Variants in GPC5 observed in about 807,000 individuals in gnomAD.
GPC5 encodes glypican-5.
Under a neutral mutation model 53.9 loss-of-function variants are expected in GPC5, and 47 were observed. That is an observed-to-expected ratio of 0.87 (90% confidence interval 0.69 to 1.11). The LOEUF is 1.11. GPC5 is among the 50% of genes most tolerant of loss of function. The probability of loss-of-function intolerance (pLI) is 0.00; values close to 1 mark genes in which losing one functional copy is unlikely to be tolerated. For synonymous variants in GPC5, 286 were observed against 263.3 expected (o/e 1.09, Z -0.84); for missense variants, 748 against 713.1 (o/e 1.05, Z -0.56).
chr13:92,139,064 A>G (rs1594778513), intron 6 of GPC5, among the ~76,000 whole-genome samples: 2 of 152,326 alleles, frequency 1.3e-5, no homozygotes, highest in East Asian at 3.9e-4. Flanking sequence ...GGCAACACAA[A>G]TATATGTTGG....
chr13:92,621,676 T>C (rs1884874116), intron 7 of GPC5, among the ~76,000 whole-genome samples: 1 of 151,906 alleles, frequency 6.6e-6, no homozygotes, highest in African/African-American at 2.4e-5. Flanking sequence ...CCAAATTAGT[T>C]GGGTGTGGTG....
chr13:92,663,809 A>G (rs1886448924), intron 7 of GPC5, among the ~76,000 whole-genome samples: 1 of 133,576 alleles, frequency 7.5e-6, no homozygotes, highest in Admixed American at 7.7e-5. Flanking sequence ...CTATATATAT[A>G]CACACTATAT....
At chr13:92,129,523 A>G (rs2041726650) in intron 6 of GPC5, among the ~76,000 whole-genome samples, 1 of 152,268 alleles carries the variant, frequency 6.6e-6, no homozygotes. Flanking sequence ...CATGTGCACA[A>G]TAAGCACAGC....
At chr13:92,146,500 G>A (rs867488250) in intron 7 of GPC5, among the ~76,000 whole-genome samples, 4 of 151,898 alleles carry the variant, frequency 2.6e-5, no homozygotes, top group South Asian at 2.1e-4. Flanking sequence ...AATGATAAAG[G>A]TTTTATTTTA....
chr13:92,671,396 A>G (rs1361810160), intron 7 of GPC5, among the ~76,000 whole-genome samples: 3 of 152,200 alleles, frequency 2.0e-5, no homozygotes, highest in Non-Finnish European at 1.5e-5. Context: ...TGCGCTTTCA[A>G]TTACAATGAA....
intron 7 of GPC5, among the ~76,000 whole-genome samples, chr13:92,538,536 A>C (rs909425145): frequency 6.8e-6 from 1 of 146,780 alleles, no homozygotes; most frequent in African/African-American, 2.5e-5. Context: ...ATAGGTATAC[A>C]TGTGCCATGG....
chr13:91,563,984 G>A (rs1254509438), intron 2 of GPC5, among the ~76,000 whole-genome samples: 1 of 151,958 alleles, frequency 6.6e-6, no homozygotes, highest in African/African-American at 2.4e-5. Context: ...GTTTCGCCTT[G>A]GTGTCCCACT....
At chr13:92,469,431 A>G (rs1331254654) in intron 7 of GPC5, among the ~76,000 whole-genome samples, 1 of 152,140 alleles carries the variant, frequency 6.6e-6, no homozygotes, top group Non-Finnish European at 1.5e-5. Flanking sequence ...ACTAGTTCAA[A>G]CATTTATTTC....
intron 2 of GPC5, among the ~76,000 whole-genome samples, chr13:91,516,604 G>A (rs1410573088): frequency 6.6e-6 from 1 of 152,126 alleles, no homozygotes; most frequent in East Asian, 1.9e-4. Context: ...AGCTTTTGCT[G>A]GATCTACCAT....
chr13:91,828,097 G>T (rs1566289226), intron 5 of GPC5, among the ~76,000 whole-genome samples: 1 of 152,036 alleles, frequency 6.6e-6, no homozygotes, highest in Non-Finnish European at 1.5e-5. Flanking sequence ...TCATTTACAT[G>T]AAGTACTTAA....
chr13:92,712,811 G>C (rs996436262), intron 7 of GPC5, among the ~76,000 whole-genome samples: 4 of 152,240 alleles, frequency 2.6e-5, no homozygotes, highest in Non-Finnish European at 4.4e-5. Context: ...ATATGAATGG[G>C]CGTCAATCCA....
In GPC5 at chr13:91,399,027, A is replaced by C; in HGVS notation, c.-20A>C. 6.5e-7 allele frequency: 1 copy of C among 1,535,624 alleles called. No individual in the cohort carries two copies. The highest frequency in any genetic ancestry group is 8.8e-7 in the Non-Finnish European group (1 of 1,138,742). Reference sequence around the variant, plus strand: ...GCGAGTGGGGTCCACTGGCGGGTAAAGGGGACCAGGACGGCGAGGATGGAC... The same window carrying C: ...GCGAGTGGGGTCCACTGGCGGGTAACGGGGACCAGGACGGCGAGGATGGAC... On this transcript the variant is annotated 5_prime_UTR_variant, in exon 1 of 8. Transcript: ENST00000377067.
rs533707560 is a variant in GPC5 at position 92,837,060 on chromosome 13, A to G, written c.1562-29222A>G. 3.9e-5 allele frequency among the ~76,000 whole-genome samples: 6 copies of G among 152,296 alleles called. No individual in the cohort carries two copies. In the South Asian group the frequency reaches 1.2e-3, roughly 32 times the overall value. On this transcript the variant is annotated intron_variant, in intron 7 of 7. Transcript: ENST00000377067. ...CTAGGCACATTATGGAAGAGACCTG[A>G]TATCTAAGGTAAAAAGAAAACCTTG...
chr13:92,031,584 C>A (rs1477314653), intron 6 of GPC5, among the ~76,000 whole-genome samples: 15 of 145,044 alleles, frequency 1.0e-4, no homozygotes, highest in African/African-American at 3.1e-4. Context: ...GCCATTCTTG[C>A]AGGAGTAAGG....
intron 5 of GPC5, among the ~76,000 whole-genome samples, chr13:91,803,775 C>CAGAT (rs1461958091): frequency 9.0e-5 from 11 of 121,590 alleles, no homozygotes; most frequent in Admixed American, 2.4e-4. Flanking sequence ...GACAGACAGA[C>CAGAT]AGACAGACAC....
chr13:92,268,116 TAAAAA>T (rs34998822), intron 7 of GPC5, among the ~76,000 whole-genome samples: 3 of 150,452 alleles, frequency 2.0e-5, no homozygotes, highest in African/African-American at 7.3e-5. Context: ...TTTCAGGACT[TAAAAA>T]AAAAATCGCA....
chr13:92,580,555 C>T (rs1013309396), intron 7 of GPC5, among the ~76,000 whole-genome samples: 11 of 152,094 alleles, frequency 7.2e-5, no homozygotes, highest in Admixed American at 3.3e-4. Context: ...GTTGAAATAG[C>T]TCAGATTCTG....
chr13:91,633,471 C>T (rs1014372813), intron 2 of GPC5, among the ~76,000 whole-genome samples: 3 of 152,088 alleles, frequency 2.0e-5, no homozygotes, highest in Admixed American at 1.3e-4. Flanking sequence ...ACTGTCATAA[C>T]AGTCTTGTAT....
At chr13:91,486,583 C>T (rs539387227) in intron 2 of GPC5, 5 of 152,270 alleles carry the variant, frequency 3.3e-5, no homozygotes, top group African/African-American at 1.2e-4. Context: ...TAGAAAATTT[C>T]TAAGGCTAGC....
Sources: gnomAD v4.1 joint callset for allele counts (sites outside exome capture counted in the v4.1 genomes callset) on GRCh38, gnomAD v4.1.1 for gene constraint, MANE v1.5 for transcripts, NCBI Gene and HGNC (gene_info 2026-07-23, HGNC 2026-07-21) for gene names.